NLGN1: variants seen among roughly 807,000 people sequenced by gnomAD.
The protein encoded by NLGN1 is neuroligin 1, also known as neuroligin-1.
Under a neutral mutation model 65.5 loss-of-function variants are expected in NLGN1, and 12 were observed. The observed-to-expected ratio is 0.18, with a 90% confidence interval of 0.12 to 0.30. The LOEUF is 0.30. Among genes scored for constraint, NLGN1 ranks in the 10% least tolerant of loss-of-function variants. The pLI is 1.00. For synonymous variants in NLGN1, 350 were observed against 359.5 expected, an observed-to-expected ratio of 0.97 and a Z score of 0.30; for missense variants, 750 against 1,007.1, an observed-to-expected ratio of 0.74 and a Z score of 3.46.
chr3:174,281,434 A>C (rs1324150491), exon 7 of NLGN1: 2 of 647,168 alleles, frequency 3.1e-6, no homozygotes, highest in East Asian at 5.5e-5. Flanking sequence ...CATATCAAGA[A>C]CTTTGGGGGT....
intron 4 of NLGN1, among the ~76,000 whole-genome samples, chr3:173,837,860 T>C (rs2150649361): frequency 6.6e-6 from 1 of 152,350 alleles, no homozygotes. Context: ...CTGTATGCAG[T>C]TCTGGTGGGA....
At chr3:174,106,862 C>T (rs1462319204) in intron 4 of NLGN1, among the ~76,000 whole-genome samples, 1 of 151,722 alleles carries the variant, frequency 6.6e-6, no homozygotes, top group Non-Finnish European at 1.5e-5. Flanking sequence ...GAGAATTCAC[C>T]CTTTCTCCTT....
At chr3:173,708,990 C>T (rs892401165) in intron 3 of NLGN1, among the ~76,000 whole-genome samples, 3 of 152,058 alleles carry the variant, frequency 2.0e-5, no homozygotes, top group African/African-American at 7.2e-5. Flanking sequence ...TCCTTCTTGA[C>T]ATATTTATAG....
intron 3 of NLGN1, among the ~76,000 whole-genome samples, chr3:173,668,620 T>A (rs1236552724): frequency 3.8e-5 from 2 of 52,728 alleles, no homozygotes; most frequent in Middle Eastern, 0.016. Context: ...TTTTCTTTTC[T>A]TTTTTTTTTT....
intron 4 of NLGN1, among the ~76,000 whole-genome samples, chr3:174,107,626 T>G (rs766521392): frequency 7.2e-5 from 11 of 152,172 alleles, no homozygotes; most frequent in Non-Finnish European, 1.6e-4. Context: ...GAATATAAAT[T>G]TTCATTTCCC....
intron 3 of NLGN1, among the ~76,000 whole-genome samples, chr3:173,618,859 G>A (rs10936764): frequency 0.61 from 92,095 of 151,834 alleles, 28,854 homozygotes; most frequent in Non-Finnish European, 0.69. Flanking sequence ...AGCTGGCAGC[G>A]AGATCAACTG....
At chr3:173,499,414 A>G (rs1730617136) in intron 2 of NLGN1, among the ~76,000 whole-genome samples, 1 of 151,674 alleles carries the variant, frequency 6.6e-6, no homozygotes, top group Admixed American at 6.6e-5. Flanking sequence ...ATTGGTCTAT[A>G]TCTCTGTTTT....
intron 4 of NLGN1, among the ~76,000 whole-genome samples, chr3:173,988,516 G>A (rs978628796): frequency 1.5e-4 from 23 of 152,084 alleles, no homozygotes; most frequent in African/African-American, 5.3e-4. Flanking sequence ...GAAGATAGCA[G>A]GTTGCTCAGA....
chr3:173,525,533 C>T, intron 2 of NLGN1, among the ~76,000 whole-genome samples: 1 of 151,774 alleles, frequency 6.6e-6, no homozygotes, highest in East Asian at 1.9e-4. Context: ...GAAATTTATC[C>T]TTTCTAAGAA....
Position 173,584,072 on chromosome 3 carries a change from C to CAAA in NLGN1, c.-320-20196_-320-20194dup, listed in dbSNP as rs561995466. 3.2e-3 allele frequency among the ~76,000 whole-genome samples: 403 copies of CAAA among 125,390 alleles called. 1 individual carries two copies. The highest frequency in any genetic ancestry group is 9.9e-3 in the African/African-American group (354 of 35,922). 82.3% of individuals were successfully genotyped at this position (125,390 alleles called of 152,430 possible). ...CTGCCATTGGGGAAATTTTTGTAGACAAAAAAAAAAAAATAGAATCCAGAG... is the reference window on the plus strand; with the variant it reads ...CTGCCATTGGGGAAATTTTTGTAGACAAAAAAAAAAAAAAAATAGAATCCAGAG... On this transcript the variant is annotated intron_variant, in intron 2 of 6. Transcript: ENST00000457714.
chr3:173,920,710 G>A (rs1254153064), intron 4 of NLGN1: 2 of 152,140 alleles, frequency 1.3e-5, no homozygotes, highest in African/African-American at 4.8e-5. Flanking sequence ...GCCACCTGCT[G>A]AAGGAGAAAA....
intron 4 of NLGN1, among the ~76,000 whole-genome samples, chr3:173,882,540 A>C (rs1733543104): frequency 6.6e-6 from 1 of 152,216 alleles, no homozygotes. Flanking sequence ...CCTGCTTCAC[A>C]TTGCACTTTT....
At chr3:173,623,406 A>T (rs1345677081) in intron 3 of NLGN1, among the ~76,000 whole-genome samples, 2 of 152,118 alleles carry the variant, frequency 1.3e-5, no homozygotes, top group East Asian at 3.9e-4. Flanking sequence ...AGTAATATCT[A>T]ATTGTGAATG....
intron 3 of NLGN1, among the ~76,000 whole-genome samples, chr3:173,619,406 A>G (rs969507109): frequency 6.6e-6 from 1 of 152,156 alleles, no homozygotes; most frequent in Non-Finnish European, 1.5e-5. Context: ...TGAGTGTTTA[A>G]TGAGTCCTAG....
intron 2 of NLGN1, among the ~76,000 whole-genome samples, chr3:173,451,706 A>C (rs906825561): frequency 8.5e-5 from 13 of 152,138 alleles, no homozygotes; most frequent in Non-Finnish European, 1.9e-4. Context: ...GGTGAGCTCC[A>C]CCCAGTTCGA....
chr3:174,024,579 G>C (rs1220041452), intron 4 of NLGN1, among the ~76,000 whole-genome samples: 1 of 152,132 alleles, frequency 6.6e-6, no homozygotes, highest in Non-Finnish European at 1.5e-5. Context: ...GTGGCCCTCT[G>C]TAGAACTCAT....
intron 3 of NLGN1, among the ~76,000 whole-genome samples, chr3:173,789,077 T>C (rs1461288522): frequency 6.6e-6 from 1 of 151,772 alleles, no homozygotes; most frequent in African/African-American, 2.4e-5. Context: ...TGTGCACCTG[T>C]AGTCCCAGCT....
chr3:173,770,317 A>C (rs1287359967), intron 3 of NLGN1, among the ~76,000 whole-genome samples: 1 of 152,216 alleles, frequency 6.6e-6, no homozygotes, highest in Non-Finnish European at 1.5e-5. Context: ...AACTTGGGCT[A>C]CAGAGGTGAG....
At position 173,762,664 on chromosome 3, in the gene NLGN1, G is replaced by A. The variant is rs540044952; in HGVS notation, c.494-45016G>A. Reference sequence around the variant, plus strand: ...ATTAACTGTTATAAACCATTACTCTGAATAGTACCCAAGCGGCCTGAAAGT... The same window carrying A: ...ATTAACTGTTATAAACCATTACTCTAAATAGTACCCAAGCGGCCTGAAAGT... On this transcript the variant is annotated intron_variant, in intron 3 of 6. Transcript: ENST00000457714. Among the ~76,000 whole-genome samples the A allele has an allele frequency of 4.7e-4, 71 of 152,060 alleles. No individual in the cohort carries two copies. In the South Asian group the frequency reaches 0.015, roughly 31 times the overall value.
Sources: allele counts gnomAD v4.1 joint callset (sites outside exome capture counted in the v4.1 genomes callset), GRCh38; gene constraint gnomAD v4.1.1; transcripts MANE v1.5; gene names NCBI Gene and HGNC (gene_info 2026-07-23, HGNC 2026-07-21).